The following IQCH variants were observed in gnomAD, a reference collection of about 807,000 sequenced individuals.
IQCH encodes the protein IQ motif containing H.
In IQCH, 98 loss-of-function variants were observed where a neutral mutation model predicts 117.0. The ratio of observed to expected loss-of-function variants is 0.84; its 90% CI spans 0.71 to 0.99. IQCH has a LOEUF of 0.99. IQCH is among the 50% of genes least tolerant of loss of function. IQCH has a pLI of 0.00. For missense variants in IQCH, 1,102 were observed against 1,243.8 expected, an observed-to-expected ratio of 0.89 and a Z score of 1.72; for synonymous variants, 412 against 448.2, an observed-to-expected ratio of 0.92 and a Z score of 1.02.
rs975691906 is a variant in IQCH, at chr15:67,496,679, T to C, written c.2970+2313T>C. ...GGGCAACATAGCAAGACCTCATCTC[T>C]ACTAAGAAGAAGAAGAAGGAGAAGG... On this transcript the variant is annotated intron_variant, in intron 20 of 20. Coordinates refer to ENST00000335894, the MANE Select transcript of IQCH (RefSeq NM_001031715.3). This position sits in a 1 kb window ranked among gnomAD's most constrained non-coding sequence, Gnocchi z 4.4. Among the ~76,000 whole-genome samples, 7 of 151,646 alleles carry C rather than the reference T, an allele frequency of 4.6e-5. No homozygotes were observed. The highest frequency in any genetic ancestry group is 1.7e-4 in the African/African-American group (7 of 41,262).
intron 4 of IQCH, among the ~76,000 whole-genome samples, chr15:67,288,028 C>T (rs1966627455): frequency 1.3e-5 from 2 of 152,172 alleles, no homozygotes; most frequent in Admixed American, 6.6e-5. Context: ...ATATTGTTTA[C>T]TTTCCATGTA....
In IQCH at chr15:67,417,127, C is replaced by T; in HGVS notation, c.2218+76C>T. 7.8e-7 allele frequency: 1 copy of T among 1,276,630 alleles called. No homozygotes were observed. The highest frequency in any genetic ancestry group is 1.1e-6 in the Non-Finnish European group (1 of 942,824). The allele number at this position is 1,276,630 out of a possible 1,614,324, so 79.1% of individuals were successfully genotyped here. A position where few individuals can be genotyped will look rare whatever the true frequency, so the allele number is the denominator to read the frequency against. On this transcript the variant is annotated intron_variant, in intron 15 of 20. Coordinates refer to ENST00000335894, the MANE Select transcript of IQCH (RefSeq NM_001031715.3). The surrounding 1 kb of genome is among the most constrained non-coding windows in gnomAD (Gnocchi z 4.3). ...ATTCTAGTTTTGGGTCAACTGGGGC[C>T]AATTTAAATACTTTGCATCTCCTGT...
intron 16 of IQCH, among the ~76,000 whole-genome samples, chr15:67,460,322 T>C (rs1284026086): frequency 6.6e-6 from 1 of 152,354 alleles, no homozygotes; most frequent in South Asian, 2.1e-4. Context: ...CACTGGCTGG[T>C]AACATTTTGT....
chr15:67,260,277 T>C (rs2140428471), intron 1 of IQCH, among the ~76,000 whole-genome samples: 1 of 152,346 alleles, frequency 6.6e-6, no homozygotes, highest in African/African-American at 2.4e-5. Flanking sequence ...TCTTGTGCTT[T>C]CAAATTTCAT....
chr15:67,461,836 A>G (rs189406770), intron 16 of IQCH, among the ~76,000 whole-genome samples: 8 of 152,340 alleles, frequency 5.3e-5, no homozygotes, highest in African/African-American at 2.4e-5. Context: ...GAGGTTGAAT[A>G]GAACAATTAC....
Position 67,475,693 on chromosome 15 carries a change from C to T in IQCH, c.2677-3C>T. 1 of 1,613,504 alleles carries T rather than the reference C, an allele frequency of 6.2e-7. No individual in the cohort carries two copies. Among genetic ancestry groups the T allele is most frequent in the East Asian group, 2.2e-5 (1 of 44,878 alleles). On this transcript the variant is annotated splice_polypyrimidine_tract_variant and splice_region_variant and intron_variant, in intron 17 of 20. Transcript: ENST00000335894. This position sits in a 1 kb window ranked among gnomAD's most constrained non-coding sequence, Gnocchi z 5.7. ...TTTAATATTCAGTTGTGCTCCTTTC[C>T]AGATGCTGGCAACCAGTCGCTATGC...
At position 67,384,517 on chromosome 15, in the gene IQCH, A is replaced by C. The variant is rs1971043294; in HGVS notation, c.1373-419A>C. Among the ~76,000 whole-genome samples, 1 of 152,168 alleles carries C rather than the reference A, an allele frequency of 6.6e-6. No homozygotes were observed. Among genetic ancestry groups the C allele is most frequent in the African/African-American group, 2.4e-5 (1 of 41,444 alleles). The stretch of plus-strand genomic sequence containing the variant: ...GGGATTTATCTGAAATCTATGTGTC[A>C]CTTTAGAATGATTCTGGAACACATC... On this transcript the variant is annotated intron_variant, in intron 10 of 20. Coordinates refer to ENST00000335894, the MANE Select transcript of IQCH (RefSeq NM_001031715.3). This position sits in a 1 kb window ranked among gnomAD's most constrained non-coding sequence, Gnocchi z 4.3.
chr15:67,377,580 C>T (rs939060427), intron 10 of IQCH, among the ~76,000 whole-genome samples: 1 of 152,176 alleles, frequency 6.6e-6, no homozygotes, highest in Non-Finnish European at 1.5e-5. Context: ...AACCCCTGTG[C>T]TTCTTTACTG....
In IQCH at chr15:67,390,790, A is replaced by C. The variant is rs910580433; in HGVS notation, c.1632+1784A>C. ...AGGTGTGAGCCACCGCGCCCAGCCC[A>C]GTTTCTCATTTGATTCTCAGAAGAA... On this transcript the variant is annotated intron_variant, in intron 12 of 20. Coordinates refer to ENST00000335894, the MANE Select transcript of IQCH (RefSeq NM_001031715.3). This position sits in a 1 kb window ranked among gnomAD's most constrained non-coding sequence, Gnocchi z 5.0. Among the ~76,000 whole-genome samples, 3 of 152,126 alleles carry C rather than the reference A, an allele frequency of 2.0e-5. No individual in the cohort carries two copies. The highest frequency in any genetic ancestry group is 6.6e-5 in the Admixed American group (1 of 15,262).
At position 67,463,075 on chromosome 15, in the gene IQCH, C is replaced by T. The variant is rs552876042; in HGVS notation, c.2506-2052C>T. Among the ~76,000 whole-genome samples, 2 of 152,298 alleles carry T rather than the reference C, an allele frequency of 1.3e-5. No homozygotes were observed. Among genetic ancestry groups the T allele is most frequent in the East Asian group, 3.9e-4 (2 of 5,190 alleles). Reference sequence around the variant, plus strand: ...TGACCTCTTAATATCCTTATAATGACGCCATTTACATTCAATGCTTACTCA... The same window carrying T: ...TGACCTCTTAATATCCTTATAATGATGCCATTTACATTCAATGCTTACTCA... On this transcript the variant is annotated intron_variant, in intron 16 of 20. Transcript: ENST00000335894. This position sits in a 1 kb window ranked among gnomAD's most constrained non-coding sequence, Gnocchi z 4.0.
chr15:67,277,100 A>G (rs552235281), intron 3 of IQCH, among the ~76,000 whole-genome samples: 8 of 152,368 alleles, frequency 5.3e-5, no homozygotes, highest in African/African-American at 1.9e-4. Flanking sequence ...TGATAAGCCT[A>G]TCAAAGACAT....
intron 1 of IQCH, among the ~76,000 whole-genome samples, chr15:67,256,974 T>C (rs1021980991): frequency 5.3e-5 from 8 of 152,212 alleles, no homozygotes; most frequent in African/African-American, 1.9e-4. Flanking sequence ...TGAGAATGTG[T>C]GAGTATGTAG....
rs898382332 is a variant in IQCH, at chr15:67,472,572, T to C, written c.2677-3124T>C. 6.6e-6 allele frequency among the ~76,000 whole-genome samples: 1 copy of C among 152,136 alleles called. No individual in the cohort carries two copies. The highest frequency in any genetic ancestry group is 1.5e-5 in the Non-Finnish European group (1 of 68,022). Reference sequence around the variant, plus strand: ...CCTTTCAAAGGAATGACAACAAAAATAGTAGCTACCATTTATCAGGTTCCA... The same window carrying C: ...CCTTTCAAAGGAATGACAACAAAAACAGTAGCTACCATTTATCAGGTTCCA... On this transcript the variant is annotated intron_variant, in intron 17 of 20. Coordinates refer to ENST00000335894, the MANE Select transcript of IQCH (RefSeq NM_001031715.3). This position sits in a 1 kb window ranked among gnomAD's most constrained non-coding sequence, Gnocchi z 4.3.
intron 6 of IQCH, 99 bp downstream of exon 6, chr15:67,344,290 G>T (rs1969294099): frequency 2.9e-6 from 3 of 1,018,574 alleles, no homozygotes; most frequent in Non-Finnish European, 4.3e-6. Context: ...CTCAATAATA[G>T]GACAAGATGA....
At chr15:67,371,534 G>A (rs375739268) in intron 8 of IQCH, 4 of 1,530,348 alleles carry the variant, frequency 2.6e-6, no homozygotes, top group Non-Finnish European at 3.6e-6. Flanking sequence ...AATGACAAAG[G>A]TGATAACATA....
At chr15:67,313,931 A>G (rs2140569164) in intron 4 of IQCH, among the ~76,000 whole-genome samples, 1 of 152,242 alleles carries the variant, frequency 6.6e-6, no homozygotes, top group African/African-American at 2.4e-5. Context: ...GAATAACATT[A>G]TCTCCTGAAC....
At chr15:67,327,027 C>T (rs1968442853) in intron 4 of IQCH, among the ~76,000 whole-genome samples, 1 of 152,060 alleles carries the variant, frequency 6.6e-6, no homozygotes, top group South Asian at 2.1e-4. Context: ...AAAATATAAA[C>T]AGAAATTCTT....
chr15:67,389,262 G>A (rs1281117524), intron 12 of IQCH, among the ~76,000 whole-genome samples: 1 of 152,140 alleles, frequency 6.6e-6, no homozygotes, highest in African/African-American at 2.4e-5. Flanking sequence ...TCAAGTAGGT[G>A]GATTTATAAC....
chr15:67,329,356 C>T (rs1223332494), intron 4 of IQCH, among the ~76,000 whole-genome samples: 3 of 151,804 alleles, frequency 2.0e-5, no homozygotes, highest in Admixed American at 1.3e-4. Context: ...AAAACCCATT[C>T]CTGGTGTGAA....
Sources: allele counts gnomAD v4.1 joint callset (sites outside exome capture counted in the v4.1 genomes callset), GRCh38; gene constraint gnomAD v4.1.1; non-coding constraint Gnocchi (gnomAD v3.1); transcripts MANE v1.5; gene names NCBI Gene and HGNC (gene_info 2026-07-23, HGNC 2026-07-21).